The following COBLL1 variants were observed in gnomAD, a reference collection of about 807,000 sequenced individuals.
COBLL1 encodes cordon-bleu protein-like 1.
A neutral mutation model predicts 94.8 loss-of-function variants in COBLL1; 50 were observed. The ratio of observed to expected loss-of-function variants is 0.53; its 90% CI spans 0.42 to 0.67. COBLL1 has a LOEUF of 0.67. COBLL1 is among the 30% of genes least tolerant of loss of function. The pLI, the probability that COBLL1 is intolerant of heterozygous loss-of-function variation, is 0.00. For synonymous variants in COBLL1, 448 were observed against 473.8 expected (o/e 0.95, Z 0.71); for missense variants, 1,362 against 1,348.7 (o/e 1.01, Z -0.15).
intron 9 of COBLL1, chr2:164,703,012 C>T (rs1371070900): frequency 1.5e-6 from 1 of 683,364 alleles, no homozygotes. Flanking sequence ...AATATGTTTA[C>T]ACAAGGTTTC....
At position 164,722,473 on chromosome 2, in the gene COBLL1, A is replaced by G. The variant is rs370080087; in HGVS notation, c.711T>C (p.Asn237=). 2.6e-6 allele frequency: 4 copies of G among 1,528,312 alleles called. No individual in the cohort carries two copies. The highest frequency in any genetic ancestry group is 2.3e-5 in the East Asian group (1 of 43,816). 94.7% of individuals were successfully genotyped at this position (1,528,312 alleles called of 1,614,324 possible). A position where few individuals can be genotyped will look rare whatever the true frequency, so the allele number is the denominator to read the frequency against. Residue 237 remains asparagine (N), a synonymous_variant, in exon 6 of 14, where the codon AAT becomes AAC. Coordinates refer to ENST00000652658, the MANE Select transcript of COBLL1 (RefSeq NM_001365672.2). ...GTTGAAAAAAACTGAAAAACCCTTT[A>G]TTTTCTTTCTCCTTCATAATATCTA... ...QNLDIMKEKE[N]KGFFSFFQRS...
intron 3 of COBLL1, among the ~76,000 whole-genome samples, chr2:164,739,519 G>T (rs984578658): frequency 6.6e-6 from 1 of 152,132 alleles, no homozygotes; most frequent in Non-Finnish European, 1.5e-5. Context: ...GTCAAACATT[G>T]ATAGTATTCT....
chr2:164,753,805 G>A lies in COBLL1; in HGVS notation c.42-9930C>T, dbSNP rs987105782. Among the ~76,000 whole-genome samples, 6 of 149,228 alleles carry A rather than the reference G, an allele frequency of 4.0e-5. No individual in the cohort carries two copies. The East Asian group carries it at 9.9e-4, about 25-fold the overall frequency. On this transcript the variant is annotated intron_variant, in intron 2 of 13. Transcript: ENST00000652658. ...CACCCAGGCTGGAAGGCAGTGGTAC[G>A]ATCTCAGCTCACTGCAACCTCAGCC...
intron 2 of COBLL1, among the ~76,000 whole-genome samples, chr2:164,798,468 T>TA (rs1683587653): frequency 6.6e-6 from 1 of 152,172 alleles, no homozygotes; most frequent in South Asian, 2.1e-4. Flanking sequence ...CATACTCAAT[T>TA]ACAACTATTC....
chr2:164,738,158 T>C (rs1686412600), intron 3 of COBLL1: 2 of 152,210 alleles, frequency 1.3e-5, no homozygotes, highest in Admixed American at 6.5e-5. Flanking sequence ...TTATAAATGG[T>C]GCTTATTTCT....
chr2:164,704,737 C>A (rs777014813), intron 8 of COBLL1, among the ~76,000 whole-genome samples: 7 of 151,986 alleles, frequency 4.6e-5, no homozygotes, highest in Non-Finnish European at 1.0e-4. Flanking sequence ...CAGATTATGA[C>A]ATGCTCATCT....
intron 1 of COBLL1, among the ~76,000 whole-genome samples, chr2:164,667,324 C>T (rs892632224): frequency 3.9e-5 from 6 of 152,220 alleles, no homozygotes; most frequent in African/African-American, 1.2e-4. Context: ...TTACGAAGGA[C>T]GCTCATATTT....
intron 2 of COBLL1, among the ~76,000 whole-genome samples, chr2:164,805,345 A>ATT (rs1684079250): frequency 3.9e-5 from 4 of 102,184 alleles, no homozygotes; most frequent in African/African-American, 7.6e-5. Flanking sequence ...CTCTATATAT[A>ATT]TATATATATA....
intron 2 of COBLL1, among the ~76,000 whole-genome samples, chr2:164,775,987 C>G (rs1453791836): frequency 6.6e-6 from 1 of 152,064 alleles, no homozygotes; most frequent in African/African-American, 2.4e-5. Context: ...AGTCCCAAAT[C>G]TAAGAATTTA....
intron 2 of COBLL1, among the ~76,000 whole-genome samples, chr2:164,820,096 A>AG (rs1186335570): frequency 8.1e-4 from 118 of 145,504 alleles, no homozygotes; most frequent in Non-Finnish European, 1.6e-4. Context: ...GGCCTCCCAA[A>AG]GTGCTGGGAT....
chr2:164,773,813 A>G lies in COBLL1; in HGVS notation c.42-29938T>C, dbSNP rs1015337014. On this transcript the variant is annotated intron_variant, in intron 2 of 13. Coordinates refer to ENST00000652658, the MANE Select transcript of COBLL1 (RefSeq NM_001365672.2). ...TCTGTTACTAACTCAACTGTTTATC[A>G]TGTATGTGTAAGCGCCAGGCACTTC... 9.1e-6 allele frequency: 11 copies of G among 1,211,944 alleles called. No individual in the cohort carries two copies. In the African/African-American group the frequency reaches 1.6e-4, roughly 18 times the overall value. 75.1% of individuals were successfully genotyped at this position (1,211,944 alleles called of 1,614,324 possible).
At chr2:164,807,461 A>G (rs2105332998) in intron 2 of COBLL1, among the ~76,000 whole-genome samples, 1 of 151,846 alleles carries the variant, frequency 6.6e-6, no homozygotes, top group South Asian at 2.1e-4. Context: ...AAAAAGCTAC[A>G]TAGTTTTTCA....
intron 7 of COBLL1, among the ~76,000 whole-genome samples, chr2:164,715,776 C>T (rs1685132917): frequency 6.6e-6 from 1 of 151,718 alleles, no homozygotes; most frequent in African/African-American, 2.4e-5. Context: ...GAGTGTTTGT[C>T]TGAAGCAGGA....
rs149107308 is a variant in COBLL1, at chr2:164,726,894, T to C, written c.661+1075A>G. The stretch of plus-strand genomic sequence containing the variant: ...CACTGTTAGAATAATTTTTAAACAT[T>C]TGTTGAAATGAAATTATTATAATTA... On this transcript the variant is annotated intron_variant, in intron 5 of 13. Coordinates refer to ENST00000652658, the MANE Select transcript of COBLL1 (RefSeq NM_001365672.2). Among the ~76,000 whole-genome samples the C allele has an allele frequency of 5.4e-3, 829 of 152,192 alleles. 3 individuals are homozygous for C. Among genetic ancestry groups the C allele is most frequent in the Non-Finnish European group, 9.1e-3 (621 of 67,936 alleles).
chr2:164,767,802 TCTTC>T (rs1292530748), intron 2 of COBLL1, among the ~76,000 whole-genome samples: 3 of 152,216 alleles, frequency 2.0e-5, no homozygotes, highest in Non-Finnish European at 4.4e-5. Flanking sequence ...TGAAAACAGC[TCTTC>T]CTGTTTTTAC....
intron 2 of COBLL1, among the ~76,000 whole-genome samples, chr2:164,826,943 TTTG>T (rs1685463001): frequency 1.3e-5 from 2 of 151,988 alleles, no homozygotes; most frequent in African/African-American, 4.8e-5. Flanking sequence ...TTGTGGGTTT[TTTG>T]TTTTTTGTTT....
At chr2:164,706,115 G>A (rs1037545443) in intron 7 of COBLL1, among the ~76,000 whole-genome samples, 1 of 152,130 alleles carries the variant, frequency 6.6e-6, no homozygotes, top group Non-Finnish European at 1.5e-5. Flanking sequence ...TCCTTTCAAT[G>A]ATACTTTTCC....
At chr2:164,818,093 T>C (rs1384473043) in intron 2 of COBLL1, among the ~76,000 whole-genome samples, 1 of 151,540 alleles carries the variant, frequency 6.6e-6, no homozygotes, top group South Asian at 2.1e-4. Context: ...TGTATATATG[T>C]ATATACACAC....
intron 2 of COBLL1, among the ~76,000 whole-genome samples, chr2:164,781,298 G>A (rs571165410): frequency 6.6e-6 from 1 of 152,262 alleles, no homozygotes. Context: ...AATGGCCCAT[G>A]CCTGTGATAA....
Sources: gnomAD v4.1 joint callset for allele counts (sites outside exome capture counted in the v4.1 genomes callset) on GRCh38, gnomAD v4.1.1 for gene constraint, MANE v1.5 for transcripts, NCBI Gene and HGNC (gene_info 2026-07-23, HGNC 2026-07-21) for gene names.